The following SLC4A8 variants were observed in gnomAD, a reference collection of about 807,000 sequenced individuals.
SLC4A8 encodes the protein solute carrier family 4 member 8, also known as electroneutral sodium bicarbonate exchanger 1.
SLC4A8 carries 40 observed loss-of-function variants against 125.0 expected under a neutral mutation model. The observed-to-expected ratio is 0.32, with a 90% CI of 0.25 to 0.42. SLC4A8 has a LOEUF of 0.42. SLC4A8 is among the 10% of genes least tolerant of loss of function. The pLI is 1.00. For missense variants in SLC4A8, 863 were observed against 1,355.1 expected (o/e 0.64, Z 5.70); for synonymous variants, 456 against 476.0 (o/e 0.96, Z 0.55).
chr12:51,495,219 G>T, intron 21 of SLC4A8, 101 bp downstream of exon 21: 1 of 939,946 alleles, frequency 1.1e-6, no homozygotes, highest in Non-Finnish European at 1.6e-6. Context: ...GTACAGTTGA[G>T]TGGCATTAAG....
At chr12:51,486,502 A>G (rs1592262978) in intron 17 of SLC4A8, among the ~76,000 whole-genome samples, 1 of 152,348 alleles carries the variant, frequency 6.6e-6, no homozygotes, top group Non-Finnish European at 1.5e-5. Flanking sequence ...TCAAGAAACT[A>G]TACAAAAAGT....
At chr12:51,473,316 G>C (rs970063268) in intron 14 of SLC4A8, among the ~76,000 whole-genome samples, 1 of 152,182 alleles carries the variant, frequency 6.6e-6, no homozygotes, top group East Asian at 1.9e-4. Context: ...AGCCTTTTCA[G>C]ATTGGCTTCT....
At chr12:51,502,986 C>T (rs1372790561) in intron 22 of SLC4A8, among the ~76,000 whole-genome samples, 1 of 151,692 alleles carries the variant, frequency 6.6e-6, no homozygotes, top group East Asian at 2.0e-4. Context: ...GGACTACAGG[C>T]GCCCGCCACC....
intron 16 of SLC4A8, among the ~76,000 whole-genome samples, chr12:51,483,479 T>C (rs1196133424): frequency 6.6e-6 from 1 of 151,546 alleles, no homozygotes; most frequent in Non-Finnish European, 1.5e-5. Context: ...TCTCTTTTTT[T>C]TTTTAAGTCA....
At chr12:51,420,284 G>A (rs1948759894), upstream of SLC4A8, 1 of 152,176 alleles carries the variant, frequency 6.6e-6, no homozygotes, top group Admixed American at 6.5e-5. Context: ...TTAATTGCAA[G>A]TAAAGCCTAA....
At chr12:51,427,073 C>T (rs1592163615) in intron 1 of SLC4A8, among the ~76,000 whole-genome samples, 1 of 151,636 alleles carries the variant, frequency 6.6e-6, no homozygotes, top group South Asian at 2.1e-4. Flanking sequence ...GGAGTAGCTG[C>T]GACTACAGGC....
At chr12:51,432,947 G>A (rs369741567) in intron 1 of SLC4A8, among the ~76,000 whole-genome samples, 8 of 152,294 alleles carry the variant, frequency 5.3e-5, no homozygotes, top group African/African-American at 1.9e-4. Flanking sequence ...CTGCAGGAAA[G>A]GAGGTGGGAT....
At chr12:51,405,945 C>G (rs983283544) in intron 1 of SLC4A8, among the ~76,000 whole-genome samples, 3 of 152,046 alleles carry the variant, frequency 2.0e-5, no homozygotes, top group Non-Finnish European at 4.4e-5. Flanking sequence ...AAATTAAGGC[C>G]ATAAAATAGG....
intron 1 of SLC4A8, among the ~76,000 whole-genome samples, chr12:51,409,918 G>A (rs1948563172): frequency 6.6e-6 from 1 of 152,202 alleles, no homozygotes; most frequent in Admixed American, 6.5e-5. Context: ...GGAAAATGTG[G>A]TATGGGAAAT....
chr12:51,422,910 C>T (rs1948823843), upstream of SLC4A8, among the ~76,000 whole-genome samples: 1 of 152,142 alleles, frequency 6.6e-6, no homozygotes, highest in Non-Finnish European at 1.5e-5. Context: ...TTTTTGCAAT[C>T]TTCATGGTTT....
chr12:51,499,049 C>T (rs566099987), intron 22 of SLC4A8, among the ~76,000 whole-genome samples: 2 of 150,194 alleles, frequency 1.3e-5, no homozygotes, highest in Admixed American at 6.6e-5. Flanking sequence ...AGTATGTTGG[C>T]GCATGCCTAT....
intron 24 of SLC4A8, among the ~76,000 whole-genome samples, chr12:51,506,460 G>A (rs962478828): frequency 1.3e-5 from 2 of 148,192 alleles, no homozygotes; most frequent in Non-Finnish European, 3.0e-5. Flanking sequence ...TTTTTGAGAC[G>A]GTCAGTCTCT....
chr12:51,433,859 T>TG (rs1949287734), intron 1 of SLC4A8, among the ~76,000 whole-genome samples: 3 of 61,604 alleles, frequency 4.9e-5, no homozygotes, highest in Admixed American at 4.5e-4. Flanking sequence ...CTGTTTTTTT[T>TG]TTTTTTTTTT....
chr12:51,493,210 C>T (rs1238638742), intron 19 of SLC4A8, among the ~76,000 whole-genome samples: 2 of 151,910 alleles, frequency 1.3e-5, no homozygotes, highest in East Asian at 3.9e-4. Flanking sequence ...TCGGTGTTTC[C>T]CCCCAGACCA....
At chr12:51,505,759 GA>G in intron 23 of SLC4A8, 75 bp from the exon 24 acceptor site, 1 of 638,010 alleles carries the variant, frequency 1.6e-6, no homozygotes, top group Non-Finnish European at 2.8e-6. Flanking sequence ...CTTCTATTGG[GA>G]CAGTGATCAT....
chr12:51,482,738 G>T (rs769484146), intron 16 of SLC4A8, among the ~76,000 whole-genome samples: 6 of 152,168 alleles, frequency 3.9e-5, no homozygotes, highest in Non-Finnish European at 8.8e-5. Context: ...GGGGTAGGCA[G>T]TGAAATACCA....
In SLC4A8 at chr12:51,511,003, C is replaced by T. The variant is rs1158812325; in HGVS notation, c.*3565C>T. On this transcript the variant is annotated 3_prime_UTR_variant, in exon 25 of 25. Transcript: ENST00000453097. Reference sequence around the variant, plus strand: ...TGTTGCAGATGATGGTGATTCTCTTCTTTTTTTTGTCTCCAATAGTTGCCT... The same window carrying T: ...TGTTGCAGATGATGGTGATTCTCTTTTTTTTTTTGTCTCCAATAGTTGCCT... The T allele has an allele frequency of 6.6e-6, 1 of 152,084 alleles. No homozygotes were observed. The highest frequency in any genetic ancestry group is 2.4e-5 in the African/African-American group (1 of 41,416). 9.4% of individuals were successfully genotyped at this position (152,084 alleles called of 1,614,324 possible). A position where few individuals can be genotyped will look rare whatever the true frequency, so the allele number is the denominator to read the frequency against.
At chr12:51,416,361 G>A (rs1016236095) in intron 1 of SLC4A8, among the ~76,000 whole-genome samples, 1 of 152,052 alleles carries the variant, frequency 6.6e-6, no homozygotes, top group Non-Finnish European at 1.5e-5. Context: ...AAGGACAATA[G>A]GCTGGGCACG....
chr12:51,476,091 CG>C (rs1296245309), intron 16 of SLC4A8, among the ~76,000 whole-genome samples: 1 of 152,188 alleles, frequency 6.6e-6, no homozygotes, highest in African/African-American at 2.4e-5. Context: ...CTCAAACATA[CG>C]AATCAGTGAG....
Sources: allele counts gnomAD v4.1 joint callset (sites outside exome capture counted in the v4.1 genomes callset), GRCh38; gene constraint gnomAD v4.1.1; transcripts MANE v1.5; gene names NCBI Gene and HGNC (gene_info 2026-07-23, HGNC 2026-07-21).